Variants in ATG2B observed in about 807,000 individuals in gnomAD.
ATG2B encodes autophagy related 2B.
A neutral mutation model predicts 241.3 loss-of-function variants in ATG2B; 121 were observed. That is an observed-to-expected ratio of 0.50 (90% CI 0.43 to 0.58). ATG2B has a LOEUF of 0.58. Among genes scored for constraint, ATG2B ranks in the 20% least tolerant of loss-of-function variants. The pLI is 0.00. For missense variants in ATG2B, 2,306 were observed against 2,491.6 expected (o/e 0.93, Z 1.59); for synonymous variants, 858 against 876.6 (o/e 0.98, Z 0.37).
Position 96,290,407 on chromosome 14 carries a change from G to T in ATG2B, c.5856+29C>A. The T allele has an allele frequency of 6.3e-7, 1 of 1,595,530 alleles. No individual in the cohort carries two copies. The highest frequency in any genetic ancestry group is 1.1e-5 in the South Asian group (1 of 88,890). ...CAACCATTTCACAATGGCTCTTTTT[G>T]GATAGACTAAGGCAGTCTAAAAAGA... On this transcript the variant is annotated intron_variant, in intron 40 of 41. Transcript: ENST00000359933. The surrounding 1 kb of genome is among the most constrained non-coding windows in gnomAD (Gnocchi z 4.4).
intron 1 of ATG2B, among the ~76,000 whole-genome samples, chr14:96,351,150 T>C (rs1247744138): frequency 6.6e-6 from 1 of 152,220 alleles, no homozygotes; most frequent in African/African-American, 2.4e-5. Flanking sequence ...AACATCAGTA[T>C]TTCTCAAGCT....
chr14:96,306,758 T>G lies in ATG2B; in HGVS notation c.4462A>C (p.Asn1488His), dbSNP rs1886960438. The G allele has an allele frequency of 6.2e-7, 1 of 1,613,912 alleles. No homozygotes were observed. The highest frequency in any genetic ancestry group is 1.7e-5 in the Admixed American group (1 of 59,990). The change falls in exon 30 of 42, where the codon AAT becomes CAT. Residue 1488 changes from asparagine to histidine, a missense_variant. Asn to His is a moderately conservative substitution (Grantham distance 68). Transcript: ENST00000359933. ...GCAAAAAGAATGCAAAAGTCATCAT[T>G]CTCAGTGGGCACACCTGTCATTGCA... is the stretch of plus-strand genomic sequence containing the variant. The part of the protein sequence containing the change: ...SDAMTGVPTE[N>H]DDFCILFAPK...
chr14:96,314,939 C>T (rs1887265663), intron 23 of ATG2B, among the ~76,000 whole-genome samples: 1 of 152,240 alleles, frequency 6.6e-6, no homozygotes, highest in South Asian at 2.1e-4. Flanking sequence ...GATCCACCTG[C>T]CTTGGCTTCC....
intron 6 of ATG2B, among the ~76,000 whole-genome samples, chr14:96,340,100 TA>T (rs1887976659): frequency 7.5e-6 from 1 of 133,844 alleles, no homozygotes; most frequent in Admixed American, 8.4e-5. Flanking sequence ...ATATGCTATA[TA>T]GAATATATGA....
At position 96,332,505 on chromosome 14, in the gene ATG2B, G is replaced by C; in HGVS notation, c.1358C>G (p.Thr453Ser). 1 of 1,610,782 alleles carries C rather than the reference G, an allele frequency of 6.2e-7. No homozygotes were observed. Among genetic ancestry groups the C allele is most frequent in the South Asian group, 1.1e-5 (1 of 90,570 alleles). ...NTPAGSPLSA[T>S]VLQPTWGEFL... ...AAAAATTAAGTAATACTTTACCACA[G>C]TAGCACTTAATGGAGATCCTGCTGG... Residue 453 changes from threonine (T) to serine (S), a missense_variant, in exon 9 of 42, where the codon ACT becomes AGT. By Grantham distance (58) the Thr-to-Ser change is moderately conservative. Transcript: ENST00000359933.
intron 14 of ATG2B, among the ~76,000 whole-genome samples, chr14:96,328,014 C>T (rs111840184): frequency 0.011 from 1,640 of 152,232 alleles, 29 homozygotes; most frequent in African/African-American, 0.037. Flanking sequence ...GACAGAGTTT[C>T]GCCATGTTGG....
At chr14:96,306,517 AT>A (rs1173161658) in intron 30 of ATG2B, among the ~76,000 whole-genome samples, 196 bp downstream of exon 30, 2 of 144,646 alleles carry the variant, frequency 1.4e-5, no homozygotes, top group Non-Finnish European at 3.1e-5. Flanking sequence ...TGCAAATAGC[AT>A]TCTTCTCTGA....
rs1315956035 is a variant in ATG2B at position 96,281,700 on chromosome 14, T to G, written c.*4055A>C. 6.6e-6 allele frequency: 1 copy of G among 152,202 alleles called. No individual in the cohort carries two copies. The highest frequency in any genetic ancestry group is 2.4e-5 in the African/African-American group (1 of 41,442). The allele number at this position is 152,202 out of a possible 1,614,324, so 9.4% of individuals were successfully genotyped here. Reference sequence around the variant, plus strand: ...GTGCTGCTACCCGGGACATTAGAGATATAACTGAGCCAGCTGAGATGACAT... The same window carrying G: ...GTGCTGCTACCCGGGACATTAGAGAGATAACTGAGCCAGCTGAGATGACAT... On this transcript the variant is annotated 3_prime_UTR_variant, in exon 42 of 42. Transcript: ENST00000359933.
At chr14:96,304,426 G>A (rs1886875536) in intron 32 of ATG2B, 69 bp downstream of exon 32, 1 of 1,156,958 alleles carries the variant, frequency 8.6e-7, no homozygotes. Flanking sequence ...ACTACGTGGT[G>A]GGGGATAACA....
At chr14:96,299,499 A>G (rs773248172) in intron 34 of ATG2B, among the ~76,000 whole-genome samples, 1 of 152,250 alleles carries the variant, frequency 6.6e-6, no homozygotes, top group African/African-American at 2.4e-5. Flanking sequence ...AACTTGGGAC[A>G]AGGCAGGCAT....
chr14:96,282,965 C>T lies in ATG2B; in HGVS notation c.*2790G>A, dbSNP rs1289942739. The T allele has an allele frequency of 5.3e-5, 8 of 152,148 alleles. No homozygotes were observed. In the East Asian group the frequency reaches 1.2e-3, roughly 22 times the overall value. The allele number at this position is 152,148 out of a possible 1,614,324, so 9.4% of individuals were successfully genotyped here. ...AAATATATGTACTTAAGCGAGAATCCAAATCGTACCCAAACTTCATGAAAG... is the reference window on the plus strand; with the variant it reads ...AAATATATGTACTTAAGCGAGAATCTAAATCGTACCCAAACTTCATGAAAG... On this transcript the variant is annotated 3_prime_UTR_variant, in exon 42 of 42. Coordinates refer to ENST00000359933, the MANE Select transcript of ATG2B (RefSeq NM_018036.7).
intron 31 of ATG2B, 118 bp downstream of exon 31, chr14:96,305,471 C>T: frequency 1.6e-6 from 1 of 638,168 alleles, no homozygotes; most frequent in Non-Finnish European, 2.6e-6. Context: ...ATTAATAATT[C>T]TTAAAATGAT....
At chr14:96,355,733 T>A (rs990534990) in intron 1 of ATG2B, among the ~76,000 whole-genome samples, 1 of 152,262 alleles carries the variant, frequency 6.6e-6, no homozygotes, top group South Asian at 2.1e-4. Flanking sequence ...CAAGGTGTGC[T>A]TGACAATATG....
intron 14 of ATG2B, among the ~76,000 whole-genome samples, chr14:96,326,787 T>C (rs1460623779): frequency 1.3e-5 from 2 of 152,136 alleles, no homozygotes; most frequent in African/African-American, 4.8e-5. Flanking sequence ...CTCAAACTCC[T>C]GGGCTCAAGC....
intron 32 of ATG2B, 65 bp downstream of exon 32, chr14:96,304,430 G>T: frequency 2.5e-6 from 3 of 1,209,398 alleles, no homozygotes; most frequent in Non-Finnish European, 3.7e-6. Flanking sequence ...CGTGGTGGGG[G>T]ATAACAAAAG....
rs1887043470 is a variant in ATG2B at position 96,308,268 on chromosome 14, A to ATATG, written c.4303+1184_4303+1185insCATA. Among the ~76,000 whole-genome samples, 39 of 15,338 alleles carry ATATG rather than the reference A, an allele frequency of 2.5e-3. 1 individual carries two copies. The highest frequency in any genetic ancestry group is 2.7e-3 in the Non-Finnish European group (19 of 7,134). The allele number at this position is 15,338 out of a possible 152,430, so 10.1% of individuals were successfully genotyped here. A position where few individuals can be genotyped will look rare whatever the true frequency, so the allele number is the denominator to read the frequency against. ...TATATATATACACACATATATATAT[A>ATATG]TATATATATATATATTTTTTTTTTT... On this transcript the variant is annotated intron_variant, in intron 29 of 41. Coordinates refer to ENST00000359933, the MANE Select transcript of ATG2B (RefSeq NM_018036.7).
intron 1 of ATG2B, among the ~76,000 whole-genome samples, chr14:96,361,251 C>T (rs927395791): frequency 1.3e-5 from 2 of 152,170 alleles, no homozygotes; most frequent in Admixed American, 6.6e-5. Context: ...TAAAACCTCA[C>T]AAATGAAAGT....
chr14:96,296,733 C>T (rs1220587160), intron 34 of ATG2B, among the ~76,000 whole-genome samples: 1 of 151,180 alleles, frequency 6.6e-6, no homozygotes, highest in Non-Finnish European at 1.5e-5. Flanking sequence ...TGCACTCCAG[C>T]CCAGGCGACA....
chr14:96,331,226 T>C, intron 11 of ATG2B, 150 bp downstream of exon 11: 7 of 774,790 alleles, frequency 9.0e-6, no homozygotes, highest in Non-Finnish European at 2.0e-6. Context: ...GCAAGAAAAC[T>C]TCACTCATTC....
Sources: allele counts gnomAD v4.1 joint callset (sites outside exome capture counted in the v4.1 genomes callset), GRCh38; gene constraint gnomAD v4.1.1; non-coding constraint Gnocchi (gnomAD v3.1); transcripts MANE v1.5; gene names NCBI Gene and HGNC (gene_info 2026-07-23, HGNC 2026-07-21).